The following ZBTB2 variants were observed in gnomAD, a reference collection of about 807,000 sequenced individuals.
The protein encoded by ZBTB2 is zinc finger and BTB domain containing 2.
A neutral mutation model predicts 39.5 loss-of-function variants in ZBTB2; 2 were observed. The ratio of observed to expected loss-of-function variants is 0.05; its 90% confidence interval spans 0.02 to 0.16. The LOEUF is 0.16. ZBTB2 is among the 10% of genes least tolerant of loss of function. The pLI is 1.00. For missense variants in ZBTB2, 391 were observed against 653.0 expected, an observed-to-expected ratio of 0.60 and a Z score of 4.37; for synonymous variants, 251 against 256.6, an observed-to-expected ratio of 0.98 and a Z score of 0.21.
At position 151,389,875 on chromosome 6, in the gene ZBTB2, G is replaced by C. The variant is rs188096186; in HGVS notation, c.-13+1545C>G. 3.7e-3 allele frequency among the ~76,000 whole-genome samples: 567 copies of C among 152,226 alleles called. 4 individuals carry two copies. The highest frequency in any genetic ancestry group is 0.011 in the African/African-American group (460 of 41,532). On this transcript the variant is annotated intron_variant, in intron 1 of 2. Transcript: ENST00000325144. The stretch of plus-strand genomic sequence containing the variant: ...TTGCCTCTTTTACTACCAGCTAAAA[G>C]CGGCAAAACCCAGCTTCCTTTGCAG...
intron 2 of ZBTB2, among the ~76,000 whole-genome samples, chr6:151,369,438 AGCCTCCTGAG>A (rs1778731350): frequency 1.3e-5 from 2 of 152,022 alleles, no homozygotes; most frequent in Non-Finnish European, 2.9e-5. Flanking sequence ...CTGCAGCCTC[AGCCTCCTGAG>A]TAGCTCAGAC....
At chr6:151,390,835 G>GGCA (rs1255963781) in intron 1 of ZBTB2, among the ~76,000 whole-genome samples, 1 of 148,716 alleles carries the variant, frequency 6.7e-6, no homozygotes, top group African/African-American at 2.5e-5. Context: ...CAGCAGCGGC[G>GGCA]GCAGCAGCAG....
chr6:151,383,506 A>ATAAGC (rs1253580721), intron 1 of ZBTB2, among the ~76,000 whole-genome samples: 2 of 152,204 alleles, frequency 1.3e-5, no homozygotes, highest in Admixed American at 6.5e-5. Context: ...GGACTTCTGG[A>ATAAGC]TAAGCTAAGC....
chr6:151,368,838 A>C (rs1193697081), intron 2 of ZBTB2, among the ~76,000 whole-genome samples: 1 of 151,500 alleles, frequency 6.6e-6, no homozygotes, highest in Admixed American at 6.6e-5. Context: ...ATTTTGGCTC[A>C]CTGCAATCTC....
intron 1 of ZBTB2, among the ~76,000 whole-genome samples, chr6:151,379,401 G>C (rs1778983670): frequency 6.6e-6 from 1 of 152,084 alleles, no homozygotes; most frequent in Non-Finnish European, 1.5e-5. Flanking sequence ...AGCACTTGGG[G>C]AGGCCAAGGT....
chr6:151,369,575 CTTGGGATTACAGCA>C (rs1351708903), intron 2 of ZBTB2, among the ~76,000 whole-genome samples: 3 of 152,088 alleles, frequency 2.0e-5, no homozygotes, highest in South Asian at 2.1e-4. Context: ...CTGCCTCAGC[CTTGGGATTACAGCA>C]TTGGGATTAC....
At chr6:151,377,652 G>A (rs1016100337) in intron 1 of ZBTB2, among the ~76,000 whole-genome samples, 4 of 147,160 alleles carry the variant, frequency 2.7e-5, no homozygotes, top group Non-Finnish European at 5.9e-5. Context: ...CGATTCTCCC[G>A]CCTCAGCCTC....
chr6:151,374,930 TAAAAAA>T (rs71556221), intron 1 of ZBTB2, among the ~76,000 whole-genome samples: 2 of 63,838 alleles, frequency 3.1e-5, no homozygotes, highest in Non-Finnish European at 6.1e-5. Context: ...CCGTCTCTAC[TAAAAAA>T]AAAAAAAAAA....
chr6:151,390,561 G>A (rs1222105076), intron 1 of ZBTB2, among the ~76,000 whole-genome samples: 3 of 150,626 alleles, frequency 2.0e-5, no homozygotes, highest in African/African-American at 7.3e-5. Flanking sequence ...GCCCAGACAG[G>A]GAGAGAGGGA....
chr6:151,373,328 G>T, intron 2 of ZBTB2, 137 bp downstream of exon 2: 2 of 843,194 alleles, frequency 2.4e-6, no homozygotes. Flanking sequence ...AAGGGTAGTG[G>T]GGGCGAGTGA....
At chr6:151,368,549 G>A (rs1778702192) in intron 2 of ZBTB2, among the ~76,000 whole-genome samples, 1 of 151,880 alleles carries the variant, frequency 6.6e-6, no homozygotes, top group Non-Finnish European at 1.5e-5. Context: ...CCATCCCCTC[G>A]TCCAAGTGAT....
rs1388001016 is a variant in ZBTB2, at chr6:151,366,502, A to C, written c.564T>G (p.Asn188Lys). 5.0e-6 allele frequency: 8 copies of C among 1,613,918 alleles called. No individual in the cohort carries two copies. The highest frequency in any genetic ancestry group is 1.3e-5 in the African/African-American group (1 of 74,870). Residue 188 changes from asparagine (N) to lysine (K), a missense_variant, in exon 3 of 3, where the codon AAT becomes AAG. Asn to Lys is a moderately conservative substitution (Grantham distance 94). This residue lies in a region of ZBTB2 where 175 missense variants were observed against 198.6 expected (regional missense o/e 0.88). Coordinates refer to ENST00000325144, the MANE Select transcript of ZBTB2 (RefSeq NM_020861.3). The surrounding 1 kb of genome is among the most constrained non-coding windows in gnomAD (Gnocchi z 7.1). The part of the protein sequence containing the change: ...SQLTSNLAQV[N>K]RTNMTPSDPL... The stretch of plus-strand genomic sequence containing the variant: ...GGTCTGAGGGAGTCATATTTGTCCG[A>C]TTCACCTGGGCCAGATTTGAAGTCA...
chr6:151,381,355 T>C (rs1032646917), intron 1 of ZBTB2, among the ~76,000 whole-genome samples: 7 of 152,106 alleles, frequency 4.6e-5, no homozygotes, highest in East Asian at 3.9e-4. Flanking sequence ...ACCCCGTCTC[T>C]ACTAAAAATA....
intron 1 of ZBTB2, among the ~76,000 whole-genome samples, chr6:151,387,508 T>C (rs571393972): frequency 1.3e-5 from 2 of 152,226 alleles, no homozygotes; most frequent in East Asian, 3.9e-4. Flanking sequence ...CAGAATCACT[T>C]TGGGGACTCA....
intron 2 of ZBTB2, chr6:151,370,052 T>G: frequency 1.2e-5 from 12 of 961,030 alleles, no homozygotes; most frequent in Non-Finnish European, 1.5e-5. Context: ...GCGCCAGACT[T>G]TGGTCTTTTC....
At chr6:151,388,265 C>T (rs990142511) in intron 1 of ZBTB2, among the ~76,000 whole-genome samples, 4 of 152,242 alleles carry the variant, frequency 2.6e-5, no homozygotes, top group Middle Eastern at 3.4e-3. Flanking sequence ...GCTGGTGCCA[C>T]GGGACTTGCC....
At chr6:151,390,198 G>A (rs1377472281) in intron 1 of ZBTB2, among the ~76,000 whole-genome samples, 4 of 151,868 alleles carry the variant, frequency 2.6e-5, no homozygotes, top group Admixed American at 2.0e-4. Flanking sequence ...GCCTCAGCGA[G>A]CAGGCGACAA....
At chr6:151,389,998 C>T (rs1779247751) in intron 1 of ZBTB2, among the ~76,000 whole-genome samples, 1 of 151,990 alleles carries the variant, frequency 6.6e-6, no homozygotes, top group African/African-American at 2.4e-5. Flanking sequence ...CGGGAAGCAG[C>T]CTCCCCGCCT....
In ZBTB2 at chr6:151,368,942, T is replaced by C. The variant is rs1189368364; in HGVS notation, c.174-2050A>G. ...GCCCAGCTAATTTTTGTATTTTTTT[T>C]AGTAGAGACAGGATTTCACTGTGTT... On this transcript the variant is annotated intron_variant, in intron 2 of 2. Coordinates refer to ENST00000325144, the MANE Select transcript of ZBTB2 (RefSeq NM_020861.3). Among the ~76,000 whole-genome samples the C allele has an allele frequency of 2.0e-5, 3 of 151,010 alleles. No homozygotes were observed. In the East Asian group the frequency reaches 5.8e-4, roughly 29 times the overall value.
Sources: gnomAD v4.1 joint callset for allele counts (sites outside exome capture counted in the v4.1 genomes callset) on GRCh38, gnomAD v4.1.1 for gene constraint, gnomAD v4.1.1 regional missense constraint, Gnocchi (gnomAD v3.1) non-coding constraint, MANE v1.5 for transcripts, NCBI Gene and HGNC (gene_info 2026-07-23, HGNC 2026-07-21) for gene names.